SHROOM4: variants seen among roughly 807,000 people sequenced by gnomAD.
SHROOM4 encodes the protein protein Shroom4.
SHROOM4 carries 17 observed loss-of-function variants against 80.3 expected under a neutral mutation model. The observed-to-expected ratio is 0.21, with a 90% CI of 0.14 to 0.32. The LOEUF (loss-of-function observed/expected upper bound fraction) is 0.32, where lower values mean the gene tolerates loss of function less well. Ranked by LOEUF, SHROOM4 falls within the 10% of genes least tolerant of loss-of-function variation. SHROOM4 has a pLI of 1.00. For synonymous variants in SHROOM4, 400 were observed against 437.5 expected (o/e 0.91, Z 1.07); for missense variants, 993 against 1,140.3 (o/e 0.87, Z 1.86).
chrX:50,651,714 T>C (rs1557258822), intron 2 of SHROOM4, among the ~76,000 whole-genome samples: 1 of 111,636 alleles, frequency 9.0e-6, no homozygotes, highest in Non-Finnish European at 1.9e-5. Flanking sequence ...GTATTTCTCC[T>C]AATGCTATCC....
At chrX:50,648,408 TAC>T (rs1185636657) in intron 2 of SHROOM4, among the ~76,000 whole-genome samples, 2 of 112,216 alleles carry the variant, frequency 1.8e-5, no homozygotes, top group African/African-American at 6.5e-5. Flanking sequence ...TCCAAGCATT[TAC>T]AGAGCTCCTC....
intron 2 of SHROOM4, among the ~76,000 whole-genome samples, chrX:50,674,475 AAGAT>A (rs1387325233): frequency 9.0e-6 from 1 of 111,586 alleles, no homozygotes; most frequent in African/African-American, 3.2e-5. Flanking sequence ...AATGGAAAAA[AAGAT>A]AGCCTTTTCA....
chrX:50,672,234 A>C (rs1173677432), intron 2 of SHROOM4, among the ~76,000 whole-genome samples: 1 of 112,266 alleles, frequency 8.9e-6, no homozygotes, highest in Non-Finnish European at 1.9e-5. Flanking sequence ...GTAATGAAAA[A>C]GTTTGAAATA....
chrX:50,607,506 G>A lies in SHROOM4; in HGVS notation c.3636C>T (p.Ser1212=). 1 of 1,211,405 alleles carries A rather than the reference G, an allele frequency of 8.3e-7. No homozygotes were observed. The highest frequency in any genetic ancestry group is 3.0e-5 in the East Asian group (1 of 33,805). The change falls in exon 6 of 9, where the codon TCC becomes TCT. Residue 1212 remains serine, a synonymous_variant. Transcript: ENST00000376020. The part of the protein sequence containing the change: ...PAEQESFALH[S]SDFLPPIRGH... ...CCCTTATTGGAGGCAAGAAATCACTGGAATGGAGTGCAAAGGATTCTTGCT... is the reference window on the plus strand; with the variant it reads ...CCCTTATTGGAGGCAAGAAATCACTAGAATGGAGTGCAAAGGATTCTTGCT...
chrX:50,602,569 G>A, intron 7 of SHROOM4, 64 bp downstream of exon 7: 1 of 1,099,546 alleles, frequency 9.1e-7, no homozygotes, highest in Non-Finnish European at 1.3e-6. Flanking sequence ...TAGAAGGCTG[G>A]TCATCCTCCA....
In SHROOM4 at chrX:50,635,384, C is replaced by T. The variant is rs200540216; in HGVS notation, c.689G>A (p.Arg230Gln). ...GPGPTKAPSG[R>Q]PNVAETSGGS... ...TCCTGAGGTCTCAGCCACATTAGGC[C>T]GGCCACTGGGGGCCTTAGTTGGCCC... The change falls in exon 4 of 9, where the codon CGG becomes CAG. Residue 230 changes from arginine (R) to glutamine (Q), a missense_variant. Physicochemically the swap from Arg to Gln is conservative, Grantham distance 43. Coordinates refer to ENST00000376020, the MANE Select transcript of SHROOM4 (RefSeq NM_020717.5). 4.3e-4 allele frequency: 523 copies of T among 1,203,911 alleles called. 2 individuals are homozygous for T. The Middle Eastern group carries it at 6.2e-3, about 14-fold the overall frequency.
chrX:50,615,098 TTGTGTGTGTGTG>T (rs58621277), intron 5 of SHROOM4, among the ~76,000 whole-genome samples: 15 of 98,463 alleles, frequency 1.5e-4, no homozygotes, highest in Non-Finnish European at 2.5e-4. Context: ...GATTCTCTTA[TTGTGTGTGTGTG>T]TGTGTGTGTG....
chrX:50,782,965 T>G (rs1935661112), intron 1 of SHROOM4, among the ~76,000 whole-genome samples: 1 of 112,009 alleles, frequency 8.9e-6, no homozygotes. Flanking sequence ...ATAACAATAC[T>G]ATATTGTACA....
chrX:50,636,306 A>G (rs1931355766), intron 3 of SHROOM4, among the ~76,000 whole-genome samples: 2 of 110,539 alleles, frequency 1.8e-5, no homozygotes, highest in South Asian at 8.0e-4. Context: ...AGCCCAGCAA[A>G]GGGAAGTGAT....
At chrX:50,626,131 G>A (rs1569546702) in intron 5 of SHROOM4, among the ~76,000 whole-genome samples, 1 of 111,820 alleles carries the variant, frequency 8.9e-6, no homozygotes, top group Non-Finnish European at 1.9e-5. Context: ...CACATGGCTA[G>A]TGAATAGAAG....
At chrX:50,735,138 A>G (rs1381818830) in intron 1 of SHROOM4, among the ~76,000 whole-genome samples, 1 of 112,256 alleles carries the variant, frequency 8.9e-6, no homozygotes, top group Non-Finnish European at 1.9e-5. Flanking sequence ...AGACACACAG[A>G]GCAATGGAAT....
At chrX:50,620,237 T>C (rs1417860979) in intron 5 of SHROOM4, among the ~76,000 whole-genome samples, 1 of 112,201 alleles carries the variant, frequency 8.9e-6, no homozygotes, top group African/African-American at 3.2e-5. Context: ...GATTCCTTTC[T>C]GAATTTTCTT....
At chrX:50,676,126 A>C (rs1557261260) in intron 2 of SHROOM4, among the ~76,000 whole-genome samples, 1 of 111,618 alleles carries the variant, frequency 9.0e-6, no homozygotes, top group African/African-American at 3.2e-5. Flanking sequence ...AAAAGAAGAC[A>C]GTTAGATACC....
At chrX:50,805,438 G>A (rs1186956104) in intron 1 of SHROOM4, among the ~76,000 whole-genome samples, 1 of 111,887 alleles carries the variant, frequency 8.9e-6, no homozygotes, top group East Asian at 2.8e-4. Context: ...GGGGCTGTTC[G>A]TAACTGGGCT....
chrX:50,592,296 G>C lies in SHROOM4; in HGVS notation c.*4399C>G. The C allele has an allele frequency of 3.5e-6, 1 of 286,983 alleles. No homozygotes were observed. Among genetic ancestry groups the C allele is most frequent in the Non-Finnish European group, 6.7e-6 (1 of 149,010 alleles). The allele number at this position is 286,983 out of a possible 1,213,427, so 23.7% of individuals were successfully genotyped here. A position where few individuals can be genotyped will look rare whatever the true frequency, so the allele number is the denominator to read the frequency against. ...GTTAAAATTCAGACTGCTATCACTGGGTTTGGGGTGGGCCTGGGATTCTGC... is the reference window on the plus strand; with the variant it reads ...GTTAAAATTCAGACTGCTATCACTGCGTTTGGGGTGGGCCTGGGATTCTGC... On this transcript the variant is annotated 3_prime_UTR_variant, in exon 9 of 9. Coordinates refer to ENST00000376020, the MANE Select transcript of SHROOM4 (RefSeq NM_020717.5).
intron 5 of SHROOM4, among the ~76,000 whole-genome samples, chrX:50,611,052 A>G (rs1211402119): frequency 9.0e-6 from 1 of 110,695 alleles, no homozygotes; most frequent in African/African-American, 3.3e-5. Flanking sequence ...TTAATTGGCT[A>G]TATACTGAGC....
At chrX:50,806,153 G>A (rs782765509) in intron 1 of SHROOM4, among the ~76,000 whole-genome samples, 1 of 111,811 alleles carries the variant, frequency 8.9e-6, no homozygotes, top group South Asian at 3.8e-4. Context: ...CTTGGGTGGG[G>A]GATGGGAACT....
rs1006816459 is a variant in SHROOM4 at position 50,604,693 on chromosome X, C to T, written c.3762-1880G>A. Among the ~76,000 whole-genome samples, 3 of 111,649 alleles carry T rather than the reference C, an allele frequency of 2.7e-5. No homozygotes were observed. In the Admixed American group the frequency reaches 2.8e-4, roughly 11 times the overall value. On this transcript the variant is annotated intron_variant, in intron 6 of 8. Transcript: ENST00000376020. ...GACTCAGTTCCCCAGCATACACATCCCTGCATCATATTATAGTATATCACA... is the reference window on the plus strand; with the variant it reads ...GACTCAGTTCCCCAGCATACACATCTCTGCATCATATTATAGTATATCACA...
At chrX:50,579,617 G>C in the SHROOM4 span, among the ~76,000 whole-genome samples, 4 of 111,693 alleles carry the variant, frequency 3.6e-5, no homozygotes, top group South Asian at 1.5e-3. Context: ...AAATAAGAGG[G>C]ACAACATTTC....
Sources: gnomAD v4.1 joint callset for allele counts (sites outside exome capture counted in the v4.1 genomes callset) on GRCh38, gnomAD v4.1.1 for gene constraint, MANE v1.5 for transcripts, NCBI Gene and HGNC (gene_info 2026-07-23, HGNC 2026-07-21) for gene names.